Variants in BAHCC1 observed in about 807,000 individuals in gnomAD.
BAHCC1 encodes BAH and coiled-coil domain-containing protein 1.
A neutral mutation model predicts 88.2 loss-of-function variants in BAHCC1; 43 were observed. The observed-to-expected ratio is 0.49, with a 90% CI of 0.38 to 0.63. The LOEUF is 0.63. Among genes scored for constraint, BAHCC1 ranks in the 20% least tolerant of loss-of-function variants. BAHCC1 has a pLI of 0.00. For synonymous variants in BAHCC1, 1,510 were observed against 745.5 expected, an observed-to-expected ratio of 2.03 and a Z score of -16.71; for missense variants, 3,023 against 1,654.8, an observed-to-expected ratio of 1.83 and a Z score of -14.34.
Position 81,434,088 on chromosome 17 carries a change from A to C in BAHCC1, c.359-4282A>C, listed in dbSNP as rs993859585. The stretch of plus-strand genomic sequence containing the variant: ...GGTCTCCCGGGACTCCCCTGGGGTC[A>C]CTGTGGGGGGAGTAACAGGGGATCT... On this transcript the variant is annotated intron_variant, in intron 3 of 27. Coordinates refer to ENST00000675386, the MANE Select transcript of BAHCC1 (RefSeq NM_001377448.1). This position sits in a 1 kb window ranked among gnomAD's most constrained non-coding sequence, Gnocchi z 4.9. Among the ~76,000 whole-genome samples, 1 of 152,136 alleles carries C rather than the reference A, an allele frequency of 6.6e-6. No homozygotes were observed. The highest frequency in any genetic ancestry group is 1.5e-5 in the Non-Finnish European group (1 of 68,008).
intron 2 of BAHCC1, among the ~76,000 whole-genome samples, chr17:81,416,918 G>A (rs1167387722): frequency 1.3e-5 from 2 of 152,188 alleles, no homozygotes; most frequent in African/African-American, 2.4e-5. Flanking sequence ...CCTACAGCCC[G>A]GCTCTGTCGG....
intron 4 of BAHCC1, among the ~76,000 whole-genome samples, chr17:81,438,968 G>GCCCCCAGC (rs1315809917): frequency 5.3e-5 from 8 of 152,202 alleles, no homozygotes; most frequent in African/African-American, 1.9e-4. Context: ...CCAGCCCCCA[G>GCCCCCAGC]CCCCCAGCCC....
chr17:81,462,045 A>G lies in BAHCC1; in HGVS notation c.7382A>G (p.Gln2461Arg). 1 of 768,682 alleles carries G rather than the reference A, an allele frequency of 1.3e-6. No homozygotes were observed. Among genetic ancestry groups the G allele is most frequent in the Non-Finnish European group, 2.4e-6 (1 of 411,964 alleles). The allele number at this position is 768,682 out of a possible 1,614,324, so 47.6% of individuals were successfully genotyped here. ...QLWKWSGNPT[Q>R]RRGMKGKARK... Reference sequence around the variant, plus strand: ...TGGAAGTGGTCGGGGAATCCCACACAGGTAGGTCCAGCGGGAGGCGGGAGG... The same window carrying G: ...TGGAAGTGGTCGGGGAATCCCACACGGGTAGGTCCAGCGGGAGGCGGGAGG... The change falls in exon 26 of 28, where the codon CAG becomes CGG. Residue 2461 changes from glutamine to arginine, a missense_variant and splice_region_variant. Transcript: ENST00000675386.
At chr17:81,457,329 A>C in intron 16 of BAHCC1, 81 bp from the exon 17 acceptor site, 1 of 687,756 alleles carries the variant, frequency 1.5e-6, no homozygotes, top group Non-Finnish European at 2.7e-6. Flanking sequence ...CCATAACCGC[A>C]TGCCCAGAGG....
At chr17:81,436,070 C>G (rs530594011) in intron 3 of BAHCC1, among the ~76,000 whole-genome samples, 1 of 152,140 alleles carries the variant, frequency 6.6e-6, no homozygotes, top group South Asian at 2.1e-4. Context: ...CTGGGCCTCT[C>G]CGGCACCCAG....
At chr17:81,459,871 C>T (rs904832947) in intron 23 of BAHCC1, among the ~76,000 whole-genome samples, 15 of 152,226 alleles carry the variant, frequency 9.9e-5, no homozygotes, top group African/African-American at 2.2e-4. Context: ...TCACAGAGTA[C>T]GTCAGGGGGC....
chr17:81,440,122 A>G (rs1018751185), intron 4 of BAHCC1, among the ~76,000 whole-genome samples: 73 of 152,120 alleles, frequency 4.8e-4, no homozygotes, highest in Admixed American at 3.6e-3. Flanking sequence ...TCCTCACCCC[A>G]CACCCCAGCT....
At chr17:81,454,453 G>A (rs2064706112) in intron 14 of BAHCC1, among the ~76,000 whole-genome samples, 1 of 152,188 alleles carries the variant, frequency 6.6e-6, no homozygotes, top group Admixed American at 6.5e-5. Context: ...CCCGCGTGGA[G>A]GACAGAATGG....
intron 15 of BAHCC1, among the ~76,000 whole-genome samples, chr17:81,455,664 A>G (rs2064735338): frequency 6.6e-6 from 1 of 152,042 alleles, no homozygotes; most frequent in Admixed American, 6.5e-5. Flanking sequence ...CCCAGGCTAC[A>G]CTCTGCTCAC....
At chr17:81,427,099 G>C (rs1396329487) in intron 3 of BAHCC1, 120 bp downstream of exon 3, 4 of 398,220 alleles carry the variant, frequency 1.0e-5, no homozygotes, top group Non-Finnish European at 1.8e-5. Context: ...CCGGTGGACG[G>C]TGACAAGCAG....
In BAHCC1 at chr17:81,434,297, TGCCCGCCCA is replaced by T. The variant is rs1763518426; in HGVS notation, c.359-4069_359-4061del. Among the ~76,000 whole-genome samples, 1 of 152,126 alleles carries T rather than the reference TGCCCGCCCA, an allele frequency of 6.6e-6. No homozygotes were observed. Among genetic ancestry groups the T allele is most frequent in the African/African-American group, 2.4e-5 (1 of 41,430 alleles). On this transcript the variant is annotated intron_variant, in intron 3 of 27. Coordinates refer to ENST00000675386, the MANE Select transcript of BAHCC1 (RefSeq NM_001377448.1). This position sits in a 1 kb window ranked among gnomAD's most constrained non-coding sequence, Gnocchi z 4.9. ...ACGCCCAGCTGACTGCATGACCCAC[TGCCCGCCCA>T]GCCAGGCGCATGTGGGAGCCGAGGT...
At chr17:81,440,922 C>T (rs2064403544) in intron 4 of BAHCC1, among the ~76,000 whole-genome samples, 1 of 152,234 alleles carries the variant, frequency 6.6e-6, no homozygotes, top group Non-Finnish European at 1.5e-5. Flanking sequence ...TGAGCCCTTC[C>T]TCCGCGACCC....
intron 2 of BAHCC1, chr17:81,407,387 G>A (rs2063894612): frequency 1.9e-6 from 1 of 519,964 alleles, no homozygotes; most frequent in Admixed American, 1.9e-5. Context: ...GGGTCTCAGT[G>A]CGACTCCCTC....
chr17:81,459,094 G>A lies in BAHCC1; in HGVS notation c.5646G>A (p.Gly1882=). The change falls in exon 21 of 28, where the codon GGG becomes GGA. Residue 1882 remains glycine (G), a synonymous_variant. Coordinates refer to ENST00000675386, the MANE Select transcript of BAHCC1 (RefSeq NM_001377448.1). ...TCCACAAGGAGGACCTGCGGGACGG[G>A]CTGCCCGTGCTCATCCCCAAGGAGG... ...CAIHKEDLRD[G]LPVLIPKEDS... 2.6e-6 allele frequency: 2 copies of A among 769,908 alleles called. No homozygotes were observed. The highest frequency in any genetic ancestry group is 2.4e-6 in the Non-Finnish European group (1 of 413,966). 47.7% of individuals were successfully genotyped at this position (769,908 alleles called of 1,614,324 possible).
At chr17:81,433,726 CG>C (rs1598479027) in intron 3 of BAHCC1, among the ~76,000 whole-genome samples, 2 of 123,814 alleles carry the variant, frequency 1.6e-5, no homozygotes, top group East Asian at 2.5e-4. Context: ...TCCTGTGCCC[CG>C]GGCAGGTGTC....
At position 81,426,998 on chromosome 17, in the gene BAHCC1, C is replaced by T. The variant is rs1327417296; in HGVS notation, c.358+19C>T. The T allele has an allele frequency of 9.3e-5, 37 of 398,496 alleles. No homozygotes were observed. The East Asian group carries it at 1.3e-3, about 14-fold the overall frequency. 24.7% of individuals were successfully genotyped at this position (398,496 alleles called of 1,614,324 possible). A position where few individuals can be genotyped will look rare whatever the true frequency, so the allele number is the denominator to read the frequency against. Reference sequence around the variant, plus strand: ...CACGAAGGTAAGTTGGCGGACTGGGCTCCCAGCGACACCCTGGTGGCCAAG... The same window carrying T: ...CACGAAGGTAAGTTGGCGGACTGGGTTCCCAGCGACACCCTGGTGGCCAAG... On this transcript the variant is annotated intron_variant, in intron 3 of 27. Coordinates refer to ENST00000675386, the MANE Select transcript of BAHCC1 (RefSeq NM_001377448.1).
chr17:81,420,616 C>G (rs1170909831), intron 2 of BAHCC1, among the ~76,000 whole-genome samples: 2 of 152,260 alleles, frequency 1.3e-5, no homozygotes, highest in Admixed American at 1.3e-4. Context: ...GCCGGCCGCC[C>G]AAGCCAGGCC....
chr17:81,414,137 C>A (rs2063989820), intron 2 of BAHCC1, among the ~76,000 whole-genome samples: 1 of 152,238 alleles, frequency 6.6e-6, no homozygotes, highest in Non-Finnish European at 1.5e-5. Flanking sequence ...GCAGCCCAAG[C>A]CACCTGCCCA....
At chr17:81,425,837 T>A (rs1292955773) in intron 2 of BAHCC1, among the ~76,000 whole-genome samples, 1 of 122,818 alleles carries the variant, frequency 8.1e-6, no homozygotes, top group African/African-American at 3.2e-5. Flanking sequence ...TGGTTGGTGA[T>A]TTGGTGATGA....
Sources: allele counts gnomAD v4.1 joint callset (sites outside exome capture counted in the v4.1 genomes callset), GRCh38; gene constraint gnomAD v4.1.1; non-coding constraint Gnocchi (gnomAD v3.1); transcripts MANE v1.5; gene names NCBI Gene and HGNC (gene_info 2026-07-23, HGNC 2026-07-21).